The following TENM3 variants were observed in gnomAD, a reference collection of about 807,000 sequenced individuals.
TENM3 encodes the protein teneurin transmembrane protein 3.
TENM3 carries 63 observed loss-of-function variants against 255.1 expected under a neutral mutation model. That is an observed-to-expected ratio of 0.25 (90% CI 0.20 to 0.30). The LOEUF (loss-of-function observed/expected upper bound fraction) is 0.30, where lower values mean the gene tolerates loss of function less well. TENM3 is among the 10% of genes least tolerant of loss of function. The pLI is 1.00. For synonymous variants in TENM3, 1,306 were observed against 1,322.3 expected, an observed-to-expected ratio of 0.99 and a Z score of 0.27; for missense variants, 2,929 against 3,461.1, an observed-to-expected ratio of 0.85 and a Z score of 3.86.
chr4:182,467,340 G>A (rs1005627310), intron 3 of TENM3, among the ~76,000 whole-genome samples: 1 of 152,122 alleles, frequency 6.6e-6, no homozygotes, highest in African/African-American at 2.4e-5. Context: ...AAGCTGATTT[G>A]TAATTTATTT....
the TENM3 span, among the ~76,000 whole-genome samples, chr4:181,808,768 A>G: frequency 6.6e-6 from 1 of 152,182 alleles, no homozygotes; most frequent in Non-Finnish European, 1.5e-5. Flanking sequence ...CTTTTTTTCC[A>G]CAAACCACAA....
intron 26 of TENM3, among the ~76,000 whole-genome samples, chr4:182,794,112 T>C (rs926830835): frequency 6.6e-6 from 1 of 152,158 alleles, no homozygotes; most frequent in Non-Finnish European, 1.5e-5. Context: ...AGGCCACAAG[T>C]TTTTGAAATG....
chr4:182,536,549 T>C (rs1212781874), intron 3 of TENM3, among the ~76,000 whole-genome samples: 1 of 152,116 alleles, frequency 6.6e-6, no homozygotes, highest in Non-Finnish European at 1.5e-5. Context: ...AAGTACACAC[T>C]TTTTTTTCTT....
chr4:181,724,317 A>T, the TENM3 span, among the ~76,000 whole-genome samples: 40,473 of 151,738 alleles, frequency 0.27, 5,505 homozygotes, highest in Middle Eastern at 0.34. Flanking sequence ...AAGTCTTCTG[A>T]CTTAATAATG....
chr4:182,087,698 G>A, the TENM3 span, among the ~76,000 whole-genome samples: 1 of 151,770 alleles, frequency 6.6e-6, no homozygotes, highest in African/African-American at 2.4e-5. Context: ...TCTCCATTCG[G>A]GGACACTTTT....
chr4:181,804,220 C>G, the TENM3 span, among the ~76,000 whole-genome samples: 1 of 116,738 alleles, frequency 8.6e-6, no homozygotes, highest in Admixed American at 9.9e-5. Flanking sequence ...GCCTTTGTTT[C>G]CCCAGAGAAA....
At chr4:181,454,355 G>A in the TENM3 span, among the ~76,000 whole-genome samples, 1 of 152,128 alleles carries the variant, frequency 6.6e-6, no homozygotes, top group African/African-American at 2.4e-5. Context: ...GTTTTCTAAT[G>A]TTATAATGGA....
At chr4:182,602,145 A>G (rs1489705358) in intron 4 of TENM3, among the ~76,000 whole-genome samples, 3 of 152,238 alleles carry the variant, frequency 2.0e-5, no homozygotes, top group Non-Finnish European at 4.4e-5. Flanking sequence ...TATGTATTGC[A>G]CAACCAACAG....
upstream of TENM3, among the ~76,000 whole-genome samples, chr4:182,241,895 G>A (rs1035193935): frequency 1.3e-5 from 2 of 151,584 alleles, no homozygotes; most frequent in Non-Finnish European, 2.9e-5. Flanking sequence ...ATGACTCTCC[G>A]TGGTCACAAA....
chr4:182,020,483 A>G, the TENM3 span, among the ~76,000 whole-genome samples: 3 of 152,206 alleles, frequency 2.0e-5, no homozygotes, highest in Non-Finnish European at 4.4e-5. Flanking sequence ...GTAGTGCTCT[A>G]TAGCTCTGTA....
intron 1 of TENM3, among the ~76,000 whole-genome samples, chr4:182,151,257 G>T (rs1207746208): frequency 1.3e-5 from 2 of 152,120 alleles, no homozygotes; most frequent in Non-Finnish European, 2.9e-5. Context: ...TTTACAGGGA[G>T]AAATGTGTGA....
intron 3 of TENM3, among the ~76,000 whole-genome samples, chr4:182,434,777 AG>A (rs543266679): frequency 1.3e-3 from 197 of 152,242 alleles, no homozygotes; most frequent in African/African-American, 4.4e-3. Context: ...AAGAGAAAAA[AG>A]ACTTAGAAAT....
the TENM3 span, chr4:182,012,962 T>A: frequency 6.6e-6 from 1 of 152,086 alleles, no homozygotes; most frequent in Admixed American, 6.5e-5. Flanking sequence ...ACCTTGCACT[T>A]TCATGGTATT....
rs751717403 is a variant in TENM3 at position 182,792,894 on chromosome 4, A to G, written c.6222A>G (p.Val2074=). ...YDINQIISTA[V]MTYTKHFDAH... is the part of the protein sequence containing the mutation. ...TTAACCAGATCATTTCTACAGCTGT[A>G]ATGACCTATACGAAGCACTTTGATG... Residue 2074 remains valine (V), a synonymous_variant, in exon 26 of 28, where the codon GTA becomes GTG. Coordinates refer to ENST00000511685, the MANE Select transcript of TENM3 (RefSeq NM_001080477.4). This position sits in a 1 kb window ranked among gnomAD's most constrained non-coding sequence, Gnocchi z 6.3. The G allele has an allele frequency of 1.7e-5, 27 of 1,613,820 alleles. No homozygotes were observed. Among genetic ancestry groups the G allele is most frequent in the Non-Finnish European group, 2.3e-5 (27 of 1,179,864 alleles).
At chr4:182,354,404 G>T (rs1765386568) in intron 3 of TENM3, among the ~76,000 whole-genome samples, 1 of 152,208 alleles carries the variant, frequency 6.6e-6, no homozygotes, top group South Asian at 2.1e-4. Flanking sequence ...GAATAGCAGT[G>T]AGTGCTGAAT....
chr4:182,387,276 C>T (rs537316386), intron 3 of TENM3, among the ~76,000 whole-genome samples: 13 of 152,316 alleles, frequency 8.5e-5, no homozygotes, highest in South Asian at 8.3e-4. Flanking sequence ...GTGCACCAAT[C>T]GACACTCTGT....
Position 182,195,617 on chromosome 4 carries a change from G to T in TENM3, c.-76+50863G>T, listed in dbSNP as rs1251362871. On this transcript the variant is annotated intron_variant, in intron 1 of 2. Coordinates refer to the TENM3 transcript ENST00000512480. ...GTCACACCACTGCACTCCAGTGTGG[G>T]TGACAGAGCAAGACTCTGTCTCTTA... 2.0e-5 allele frequency among the ~76,000 whole-genome samples: 3 copies of T among 152,012 alleles called. No homozygotes were observed. In the South Asian group the frequency reaches 6.2e-4, roughly 31 times the overall value.
the TENM3 span, among the ~76,000 whole-genome samples, chr4:182,101,201 AAGAAG>A: frequency 8.3e-6 from 1 of 121,146 alleles, no homozygotes; most frequent in East Asian, 2.9e-4. Flanking sequence ...GGAGGAAGGA[AAGAAG>A]GGAGGGAGGA....
intron 3 of TENM3, among the ~76,000 whole-genome samples, chr4:182,539,160 A>G (rs1295286207): frequency 6.6e-6 from 1 of 151,170 alleles, no homozygotes; most frequent in Non-Finnish European, 1.5e-5. Flanking sequence ...AGGCTACAAA[A>G]TAGACTGAGA....
Sources: gnomAD v4.1 joint callset for allele counts (sites outside exome capture counted in the v4.1 genomes callset) on GRCh38, gnomAD v4.1.1 for gene constraint, Gnocchi (gnomAD v3.1) non-coding constraint, MANE v1.5 for transcripts, NCBI Gene and HGNC (gene_info 2026-07-23, HGNC 2026-07-21) for gene names.